The following SLC24A2 variants were observed in gnomAD, a reference collection of about 807,000 sequenced individuals.
SLC24A2 encodes solute carrier family 24 member 2, also known as sodium/potassium/calcium exchanger 2.
A neutral mutation model predicts 62.0 loss-of-function variants in SLC24A2; 36 were observed. The observed-to-expected ratio is 0.58, with a 90% CI of 0.44 to 0.77. SLC24A2 has a LOEUF of 0.77. Ranked by LOEUF, SLC24A2 falls within the 30% of genes least tolerant of loss-of-function variation. SLC24A2 has a pLI of 0.00. For missense variants in SLC24A2, 846 were observed against 817.9 expected (o/e 1.03, Z -0.42); for synonymous variants, 358 against 294.0 (o/e 1.22, Z -2.23).
At chr9:19,716,443 G>A (rs781476594) in intron 2 of SLC24A2, among the ~76,000 whole-genome samples, 2 of 152,206 alleles carry the variant, frequency 1.3e-5, no homozygotes, top group African/African-American at 2.4e-5. Flanking sequence ...GCTTCATGGA[G>A]CTCCCATTCA....
chr9:19,832,494 G>A, the SLC24A2 span, among the ~76,000 whole-genome samples: 2 of 152,150 alleles, frequency 1.3e-5, no homozygotes, highest in African/African-American at 4.8e-5. Context: ...ATGGGGAAAC[G>A]ATTCCCTATT....
At chr9:19,865,638 G>A in the SLC24A2 span, among the ~76,000 whole-genome samples, 1 of 152,090 alleles carries the variant, frequency 6.6e-6, no homozygotes, top group Non-Finnish European at 1.5e-5. Flanking sequence ...GGGAAAACTG[G>A]ATATCCATAT....
At chr9:19,706,569 G>A (rs1397969389) in intron 2 of SLC24A2, among the ~76,000 whole-genome samples, 9 of 151,980 alleles carry the variant, frequency 5.9e-5, no homozygotes, top group East Asian at 3.9e-4. Context: ...TAGTAGAGAC[G>A]GGGTTTCACC....
chr9:19,554,364 C>G (rs1464919670), intron 7 of SLC24A2, among the ~76,000 whole-genome samples: 1 of 152,190 alleles, frequency 6.6e-6, no homozygotes, highest in African/African-American at 2.4e-5. Context: ...TTGCATTAGG[C>G]ATTCTAAGCA....
intron 2 of SLC24A2, among the ~76,000 whole-genome samples, chr9:19,641,742 T>C (rs1169596521): frequency 2.0e-5 from 3 of 152,190 alleles, no homozygotes; most frequent in Admixed American, 6.5e-5. Context: ...TATATGTGTT[T>C]AGGCTATAAA....
At chr9:20,152,645 T>A in the SLC24A2 span, among the ~76,000 whole-genome samples, 1 of 151,822 alleles carries the variant, frequency 6.6e-6, no homozygotes, top group Admixed American at 6.6e-5. Flanking sequence ...GGGAGTGAAA[T>A]TGCCTTGAAA....
At chr9:19,550,394 C>T in intron 7 of SLC24A2, 126 bp from the exon 8 acceptor site, 7 of 874,798 alleles carry the variant, frequency 8.0e-6, no homozygotes, top group South Asian at 4.5e-5. Context: ...GTTCCAGTAG[C>T]TTCATATGTG....
the SLC24A2 span, among the ~76,000 whole-genome samples, chr9:20,104,153 A>G: frequency 2.6e-5 from 4 of 152,188 alleles, no homozygotes; most frequent in Admixed American, 2.6e-4. Flanking sequence ...TAGAGAAAAA[A>G]TAATAAAAAG....
chr9:20,153,994 T>C, the SLC24A2 span, among the ~76,000 whole-genome samples: 3 of 152,032 alleles, frequency 2.0e-5, no homozygotes, highest in East Asian at 1.9e-4. Flanking sequence ...GTTGCATAAA[T>C]TGTGCAACTG....
intron 2 of SLC24A2, among the ~76,000 whole-genome samples, chr9:19,669,152 G>C (rs921211509): frequency 7.2e-5 from 11 of 152,148 alleles, no homozygotes; most frequent in African/African-American, 2.7e-4. Context: ...TGTAATTTGG[G>C]TCTTCAGGTC....
the SLC24A2 span, among the ~76,000 whole-genome samples, chr9:19,963,129 A>G: frequency 0.019 from 2,791 of 150,440 alleles, 101 homozygotes; most frequent in African/African-American, 0.063. Flanking sequence ...AGGATTCCCT[A>G]TTTAATAAAT....
the SLC24A2 span, among the ~76,000 whole-genome samples, chr9:19,834,787 G>A: frequency 6.6e-6 from 1 of 152,142 alleles, no homozygotes; most frequent in African/African-American, 2.4e-5. Context: ...ATTCACCAAA[G>A]TTGAAATGAA....
intron 2 of SLC24A2, among the ~76,000 whole-genome samples, chr9:19,686,999 G>A (rs992180638): frequency 1.3e-5 from 2 of 152,110 alleles, no homozygotes; most frequent in East Asian, 1.9e-4. Context: ...AGATGGAGCT[G>A]GAGACCATAA....
chr9:19,563,684 TCCTC>T (rs1373550810), intron 7 of SLC24A2, among the ~76,000 whole-genome samples: 1 of 151,598 alleles, frequency 6.6e-6, no homozygotes, highest in African/African-American at 2.4e-5. Flanking sequence ...ATAATGACCT[TCCTC>T]CCTCCCTCCC....
chr9:19,564,783 C>G (rs975554640), intron 7 of SLC24A2, among the ~76,000 whole-genome samples: 2 of 152,274 alleles, frequency 1.3e-5, no homozygotes, highest in South Asian at 4.2e-4. Context: ...ATTTTCGAAT[C>G]TAAGGAATTT....
At chr9:19,532,229 G>T (rs953813514) in intron 8 of SLC24A2, among the ~76,000 whole-genome samples, 1 of 151,972 alleles carries the variant, frequency 6.6e-6, no homozygotes, top group Non-Finnish European at 1.5e-5. Context: ...TACAGGCATG[G>T]GATTACAGGG....
At chr9:20,275,683 G>A in the SLC24A2 span, among the ~76,000 whole-genome samples, 16,353 of 152,120 alleles carry the variant, frequency 0.11, 1,992 homozygotes, top group African/African-American at 0.3. Flanking sequence ...GAAATTCTAC[G>A]TGTGTATTCC....
the SLC24A2 span, among the ~76,000 whole-genome samples, chr9:20,170,393 C>G: frequency 6.6e-6 from 1 of 152,016 alleles, no homozygotes; most frequent in Non-Finnish European, 1.5e-5. Context: ...CTCCTTAACA[C>G]AATCCCTACC....
At chr9:20,195,841 GAA>G in the SLC24A2 span, among the ~76,000 whole-genome samples, 2 of 150,952 alleles carry the variant, frequency 1.3e-5, no homozygotes, top group East Asian at 1.9e-4. Flanking sequence ...AAGATTAAAA[GAA>G]AAAAAAATTT....
Sources: allele counts gnomAD v4.1 joint callset (sites outside exome capture counted in the v4.1 genomes callset), GRCh38; gene constraint gnomAD v4.1.1; transcripts MANE v1.5; gene names NCBI Gene and HGNC (gene_info 2026-07-23, HGNC 2026-07-21).